The following PRKCH variants were observed in gnomAD, a reference collection of about 807,000 sequenced individuals.
PRKCH encodes the protein protein kinase C eta type.
A neutral mutation model predicts 82.5 loss-of-function variants in PRKCH; 28 were observed. The ratio of observed to expected loss-of-function variants is 0.34; its 90% CI spans 0.25 to 0.47. The LOEUF is 0.47. Among genes scored for constraint, PRKCH ranks in the 20% least tolerant of loss-of-function variants. The pLI, the probability that PRKCH is intolerant of heterozygous loss-of-function variation, is 1.00. For synonymous variants in PRKCH, 322 were observed against 327.4 expected (o/e 0.98, Z 0.18); for missense variants, 705 against 881.8 (o/e 0.80, Z 2.54).
chr14:61,443,561 C>T (rs146849602), intron 3 of PRKCH, among the ~76,000 whole-genome samples: 1 of 152,252 alleles, frequency 6.6e-6, no homozygotes, highest in African/African-American at 2.4e-5. Flanking sequence ...AGTCAATAAA[C>T]AATCAGTAAA....
At chr14:61,188,622 GTGT>G (rs2044386092) in intron 1 of PRKCH, among the ~76,000 whole-genome samples, 1 of 72,138 alleles carries the variant, frequency 1.4e-5, no homozygotes, top group African/African-American at 7.4e-5. Flanking sequence ...GTGTGTGTGT[GTGT>G]GTGTGTGTGT....
intron 2 of PRKCH, among the ~76,000 whole-genome samples, chr14:61,432,227 A>C (rs763214186): frequency 4.0e-5 from 6 of 151,864 alleles, no homozygotes; most frequent in Non-Finnish European, 8.8e-5. Flanking sequence ...CATTTCCTTG[A>C]TATTTTTGAT....
intron 1 of PRKCH, chr14:61,306,712 T>C (rs1467118203): frequency 2.0e-5 from 3 of 152,242 alleles, no homozygotes; most frequent in Non-Finnish European, 4.4e-5. Context: ...CTTAATAACG[T>C]ACGAAAACAC....
chr14:61,214,067 G>A lies in PRKCH; in HGVS notation c.-19+26399G>A, dbSNP rs565129667. ...GACAGCATAGAATATGATGGTTGGC[G>A]TAGGTGCTGTGGGAGCTCAAAGCAG... On this transcript the variant is annotated intron_variant, in intron 1 of 3. Transcript: ENST00000555185. 1.5e-4 allele frequency among the ~76,000 whole-genome samples: 23 copies of A among 152,338 alleles called. No individual in the cohort carries two copies. In the South Asian group the frequency reaches 1.7e-3, roughly 11 times the overall value.
rs1048705178 is a variant in PRKCH at position 61,529,108 on chromosome 14, C to T, written c.1467C>T (p.His489=). The T allele has an allele frequency of 7.4e-6, 12 of 1,613,418 alleles. No individual in the cohort carries two copies. The highest frequency in any genetic ancestry group is 1.7e-5 in the Admixed American group (1 of 59,972). ...AACTGGACAATGTCCTGTTGGACCA[C>T]GAGGGTCACTGTAAACTGGCAGACT... ...DLKLDNVLLD[H]EGHCKLADFG... Residue 489 remains histidine (H), a synonymous_variant, in exon 11 of 14, where the codon CAC becomes CAT. Coordinates refer to ENST00000332981, the MANE Select transcript of PRKCH (RefSeq NM_006255.5).
chr14:61,407,218 A>C (rs1337310899), intron 2 of PRKCH, among the ~76,000 whole-genome samples: 1 of 152,204 alleles, frequency 6.6e-6, no homozygotes, highest in Non-Finnish European at 1.5e-5. Context: ...TTAGGATTAT[A>C]GGGATTTTAA....
At chr14:61,475,714 T>C (rs1435626942) in intron 9 of PRKCH, among the ~76,000 whole-genome samples, 2 of 152,222 alleles carry the variant, frequency 1.3e-5, no homozygotes, top group East Asian at 3.8e-4. Flanking sequence ...ATATGCAATA[T>C]AAATGAAAAG....
chr14:61,295,469 C>T (rs2045398769), intron 1 of PRKCH, among the ~76,000 whole-genome samples: 1 of 152,192 alleles, frequency 6.6e-6, no homozygotes, highest in Non-Finnish European at 1.5e-5. Context: ...CATCTAACTC[C>T]TCTGCCTCTT....
intron 1 of PRKCH, among the ~76,000 whole-genome samples, chr14:61,221,563 A>G (rs1190183798): frequency 6.6e-6 from 1 of 151,800 alleles, no homozygotes; most frequent in Non-Finnish European, 1.5e-5. Flanking sequence ...TATTAAAGTG[A>G]TGCCTGCCCG....
chr14:61,301,189 T>C (rs1433730545), intron 1 of PRKCH, among the ~76,000 whole-genome samples: 1 of 152,126 alleles, frequency 6.6e-6, no homozygotes, highest in Non-Finnish European at 1.5e-5. Context: ...ACCTCAGGTA[T>C]TTACCCCAGA....
chr14:61,309,282 C>CA (rs967572730), intron 1 of PRKCH, among the ~76,000 whole-genome samples: 29 of 148,086 alleles, frequency 2.0e-4, no homozygotes, highest in South Asian at 8.5e-4. Context: ...GACCCTGTCT[C>CA]AAAAAAAAAA....
chr14:61,298,011 T>C lies in PRKCH; in HGVS notation c.-19+110343T>C, dbSNP rs529208052. The stretch of plus-strand genomic sequence containing the variant: ...TTTACTCTCATCTTTAATCAGCTAA[T>C]GGAAGATGATGTTACTGACATTTCA... On this transcript the variant is annotated intron_variant, in intron 1 of 3. Coordinates refer to the PRKCH transcript ENST00000555185. Among the ~76,000 whole-genome samples, 3 of 152,308 alleles carry C rather than the reference T, an allele frequency of 2.0e-5. No homozygotes were observed. In the East Asian group the frequency reaches 5.8e-4, roughly 29 times the overall value.
Position 61,321,991 on chromosome 14 carries a change from C to T in PRKCH, c.-111C>T. On this transcript the variant is annotated 5_prime_UTR_variant, in exon 1 of 14. Coordinates refer to ENST00000332981, the MANE Select transcript of PRKCH (RefSeq NM_006255.5). This position sits in a 1 kb window ranked among gnomAD's most constrained non-coding sequence, Gnocchi z 4.1. ...GGGGCGCTTAGGCGCTGCCTTTCCCCAGGGCTGCCTCGACTCCTGCACCTG... is the reference window on the plus strand; with the variant it reads ...GGGGCGCTTAGGCGCTGCCTTTCCCTAGGGCTGCCTCGACTCCTGCACCTG... 8.1e-7 allele frequency: 1 copy of T among 1,233,810 alleles called. No individual in the cohort carries two copies. Among genetic ancestry groups the T allele is most frequent in the Non-Finnish European group, 1.1e-6 (1 of 911,190 alleles). The allele number at this position is 1,233,810 out of a possible 1,614,324, so 76.4% of individuals were successfully genotyped here.
intron 2 of PRKCH, among the ~76,000 whole-genome samples, chr14:61,441,585 C>T (rs958290210): frequency 6.6e-6 from 1 of 152,146 alleles, no homozygotes; most frequent in African/African-American, 2.4e-5. Context: ...TAGGAATTGC[C>T]TCTTCACATC....
chr14:61,440,208 C>T (rs978232265), intron 2 of PRKCH, among the ~76,000 whole-genome samples: 2 of 152,176 alleles, frequency 1.3e-5, no homozygotes, highest in Admixed American at 1.3e-4. Flanking sequence ...TTCGTGGTTT[C>T]TAAATGACTT....
chr14:61,244,367 A>G (rs1322132033), intron 1 of PRKCH, among the ~76,000 whole-genome samples: 1 of 152,204 alleles, frequency 6.6e-6, no homozygotes, highest in Non-Finnish European at 1.5e-5. Flanking sequence ...AGGGACCCCA[A>G]CCTGAAACGG....
At chr14:61,216,513 T>A (rs1224715065) in intron 1 of PRKCH, among the ~76,000 whole-genome samples, 7 of 151,090 alleles carry the variant, frequency 4.6e-5, no homozygotes, top group Admixed American at 2.0e-4. Context: ...ACCAGAAAAG[T>A]CAAAGGTTGC....
At chr14:61,356,016 C>T (rs1251909604) in intron 1 of PRKCH, among the ~76,000 whole-genome samples, 6 of 152,180 alleles carry the variant, frequency 3.9e-5, no homozygotes, top group Admixed American at 3.9e-4. Context: ...GGTAGTCTTT[C>T]TGGTAACACA....
chr14:61,377,045 A>G (rs1382584725), intron 1 of PRKCH, among the ~76,000 whole-genome samples: 1 of 152,164 alleles, frequency 6.6e-6, no homozygotes, highest in Non-Finnish European at 1.5e-5. Flanking sequence ...CAGAATTGCT[A>G]ATGATGGGGT....
Sources: allele counts gnomAD v4.1 joint callset (sites outside exome capture counted in the v4.1 genomes callset), GRCh38; gene constraint gnomAD v4.1.1; non-coding constraint Gnocchi (gnomAD v3.1); transcripts MANE v1.5; gene names NCBI Gene and HGNC (gene_info 2026-07-23, HGNC 2026-07-21).